The following NDST3 variants were observed in gnomAD, a reference collection of about 807,000 sequenced individuals.
NDST3 encodes bifunctional heparan sulfate N-deacetylase/N-sulfotransferase 3.
Under a neutral mutation model 96.1 loss-of-function variants are expected in NDST3, and 58 were observed. That is an observed-to-expected ratio of 0.60 (90% CI 0.49 to 0.75). The LOEUF is 0.75. Ranked by LOEUF, NDST3 falls within the 30% of genes least tolerant of loss-of-function variation. The probability of loss-of-function intolerance (pLI) is 0.00; values close to 1 mark genes in which losing one functional copy is unlikely to be tolerated. For missense variants in NDST3, 788 were observed against 1,034.2 expected (o/e 0.76, Z 3.27); for synonymous variants, 333 against 359.7 (o/e 0.93, Z 0.84).
intron 5 of NDST3, 108 bp from the exon 6 acceptor site, chr4:118,143,448 G>A: frequency 8.4e-7 from 1 of 1,196,718 alleles, no homozygotes; most frequent in Admixed American, 2.6e-5. Context: ...GGTTAGACCT[G>A]AATAATTCAC....
chr4:118,207,110 T>C lies in NDST3; in HGVS notation c.1540-17381T>C, dbSNP rs1203357529. Among the ~76,000 whole-genome samples, 8 of 140,902 alleles carry C rather than the reference T, an allele frequency of 5.7e-5. 2 individuals carry two copies. Among genetic ancestry groups the C allele is most frequent in the Non-Finnish European group, 1.1e-4 (7 of 64,334 alleles). The allele number at this position is 140,902 out of a possible 152,430, so 92.4% of individuals were successfully genotyped here. ...TTAAATTGTGTACCATTTGCTTCCA[T>C]CTGTGTTTTAAAAATAAAAGAAAAT... is the stretch of plus-strand genomic sequence containing the variant. On this transcript the variant is annotated intron_variant, in intron 6 of 13. Transcript: ENST00000296499.
Position 118,141,369 on chromosome 4 carries a change from G to A in NDST3, c.1411-2187G>A, listed in dbSNP as rs1733559738. On this transcript the variant is annotated intron_variant, in intron 5 of 13. Transcript: ENST00000296499. ...CACTGCATTTATGGAGCAAGGCAGT[G>A]GAATATGACCCTTATCACACTCCTG... is the stretch of plus-strand genomic sequence containing the variant. 2.0e-5 allele frequency among the ~76,000 whole-genome samples: 3 copies of A among 152,040 alleles called. No individual in the cohort carries two copies. The South Asian group carries it at 6.2e-4, about 32-fold the overall frequency.
chr4:118,130,449 T>C (rs967962205), intron 4 of NDST3, among the ~76,000 whole-genome samples: 6 of 152,156 alleles, frequency 3.9e-5, no homozygotes, highest in African/African-American at 1.4e-4. Flanking sequence ...GAAAGAAAAC[T>C]CTACACTTTA....
intron 6 of NDST3, among the ~76,000 whole-genome samples, chr4:118,169,514 C>G (rs1258760826): frequency 6.6e-6 from 1 of 152,068 alleles, no homozygotes; most frequent in African/African-American, 2.4e-5. Context: ...CTGAAGTGGG[C>G]CGGGCACAGT....
At chr4:118,227,269 G>A (rs1183695834) in intron 8 of NDST3, among the ~76,000 whole-genome samples, 1 of 149,576 alleles carries the variant, frequency 6.7e-6, no homozygotes, top group African/African-American at 2.5e-5. Flanking sequence ...GAAAAGTATT[G>A]TAATTAACAC....
intron 5 of NDST3, among the ~76,000 whole-genome samples, chr4:118,141,373 T>C (rs142447179): frequency 7.9e-4 from 121 of 152,272 alleles, no homozygotes; most frequent in African/African-American, 2.7e-3. Flanking sequence ...GGCAGTGGAA[T>C]ATGACCCTTA....
At chr4:118,115,005 G>A in intron 4 of NDST3, 45 bp downstream of exon 4, 2 of 1,572,960 alleles carry the variant, frequency 1.3e-6, no homozygotes, top group Non-Finnish European at 8.7e-7. Context: ...ACACTGATTG[G>A]AGAAATGAAA....
chr4:118,100,869 G>T (rs988994058), intron 2 of NDST3, among the ~76,000 whole-genome samples: 1 of 152,160 alleles, frequency 6.6e-6, no homozygotes, highest in Middle Eastern at 3.2e-3. Context: ...CCTGGAGGAG[G>T]TATGAGTGCG....
At chr4:118,076,804 A>G (rs1727577895) in intron 2 of NDST3, among the ~76,000 whole-genome samples, 1 of 152,248 alleles carries the variant, frequency 6.6e-6, no homozygotes, top group Non-Finnish European at 1.5e-5. Context: ...TATTTCAGCT[A>G]TTTCAGCCTG....
chr4:118,124,282 T>C (rs947337418), intron 4 of NDST3, among the ~76,000 whole-genome samples: 6 of 152,110 alleles, frequency 3.9e-5, no homozygotes, highest in African/African-American at 1.4e-4. Flanking sequence ...TCTGAATTGT[T>C]TGAGAATGGA....
chr4:118,236,500 AAAATT>A (rs1362914239), intron 9 of NDST3, among the ~76,000 whole-genome samples: 1 of 152,240 alleles, frequency 6.6e-6, no homozygotes, highest in Non-Finnish European at 1.5e-5. Flanking sequence ...CTATATGAGA[AAAATT>A]AAGCAAATAA....
intron 2 of NDST3, among the ~76,000 whole-genome samples, chr4:118,101,521 T>G (rs1729763310): frequency 6.6e-6 from 1 of 152,174 alleles, no homozygotes; most frequent in Non-Finnish European, 1.5e-5. Context: ...ATTAGCATTT[T>G]CAACTGTTTT....
intron 4 of NDST3, 121 bp from the exon 5 acceptor site, chr4:118,137,933 C>T (rs1004227772): frequency 1.2e-6 from 1 of 842,068 alleles, no homozygotes. Flanking sequence ...TTAATTTTAC[C>T]ACACAATTAA....
chr4:118,250,504 G>A (rs1280110314), intron 12 of NDST3, among the ~76,000 whole-genome samples: 5 of 144,906 alleles, frequency 3.5e-5, no homozygotes, highest in African/African-American at 7.8e-5. Context: ...TTTTTTTTGA[G>A]ATGGAGTTTT....
intron 6 of NDST3, among the ~76,000 whole-genome samples, chr4:118,178,582 T>C (rs1345710877): frequency 6.6e-6 from 1 of 152,062 alleles, no homozygotes; most frequent in Non-Finnish European, 1.5e-5. Context: ...CATTCATTCA[T>C]TGATGAACAC....
At chr4:118,103,484 T>G (rs1729926558) in intron 2 of NDST3, among the ~76,000 whole-genome samples, 1 of 152,154 alleles carries the variant, frequency 6.6e-6, no homozygotes, top group African/African-American at 2.4e-5. Flanking sequence ...AAAATGTGTG[T>G]GTATTATAAT....
In NDST3 at chr4:118,114,971, CACTT is replaced by C. The variant is rs772809755; in HGVS notation, c.1224+12_1224+15del. 6.2e-7 allele frequency: 1 copy of C among 1,613,254 alleles called. No individual in the cohort carries two copies. The highest frequency in any genetic ancestry group is 1.1e-5 in the South Asian group (1 of 91,044). Reference sequence around the variant, plus strand: ...AAAAAATTTGCCTTAGTAAGTAACTCACTTTGTTGCATTGAAGTAGTGTACACTG... The same window carrying C: ...AAAAAATTTGCCTTAGTAAGTAACTCTGTTGCATTGAAGTAGTGTACACTG... On this transcript the variant is annotated intron_variant, in intron 4 of 13. Transcript: ENST00000296499.
chr4:118,211,883 G>A (rs1299493165), intron 6 of NDST3, among the ~76,000 whole-genome samples: 2 of 152,142 alleles, frequency 1.3e-5, no homozygotes, highest in East Asian at 3.9e-4. Flanking sequence ...GAGTCCCCTT[G>A]AGGAACTCCT....
At chr4:118,113,654 T>C (rs1730825447) in intron 3 of NDST3, among the ~76,000 whole-genome samples, 1 of 152,116 alleles carries the variant, frequency 6.6e-6, no homozygotes, top group African/African-American at 2.4e-5. Context: ...AGTTGACTGG[T>C]CCAGGGTAGC....
Sources: gnomAD v4.1 joint callset for allele counts (sites outside exome capture counted in the v4.1 genomes callset) on GRCh38, gnomAD v4.1.1 for gene constraint, MANE v1.5 for transcripts, NCBI Gene and HGNC (gene_info 2026-07-23, HGNC 2026-07-21) for gene names.